The following RIN2 variants were observed in gnomAD, a reference collection of about 807,000 sequenced individuals.
RIN2 encodes RAB5 interacting protein 2.
Under a neutral mutation model 78.0 loss-of-function variants are expected in RIN2, and 36 were observed. The observed-to-expected ratio is 0.46, with a 90% CI of 0.35 to 0.61. The LOEUF (loss-of-function observed/expected upper bound fraction) is 0.61. Among genes scored for constraint, RIN2 ranks in the 20% least tolerant of loss-of-function variants. The probability of loss-of-function intolerance (pLI) is 0.00; values close to 1 mark genes in which losing one functional copy is unlikely to be tolerated. For synonymous variants in RIN2, 466 were observed against 466.8 expected, an observed-to-expected ratio of 1.00 and a Z score of 0.02; for missense variants, 1,087 against 1,159.7, an observed-to-expected ratio of 0.94 and a Z score of 0.91.
intron 2 of RIN2, among the ~76,000 whole-genome samples, chr20:19,888,122 T>C (rs899775038): frequency 1.3e-5 from 2 of 152,098 alleles, no homozygotes; most frequent in Non-Finnish European, 2.9e-5. Context: ...CCCAGCAGGA[T>C]CACAAGTGGA....
At chr20:19,881,218 C>A (rs571077874) in intron 2 of RIN2, among the ~76,000 whole-genome samples, 121 of 152,274 alleles carry the variant, frequency 7.9e-4, no homozygotes, top group Non-Finnish European at 1.4e-3. Context: ...CATGAACTTT[C>A]CAAGTCTGTT....
At chr20:19,793,203 AT>A (rs2034944419) in intron 1 of RIN2, among the ~76,000 whole-genome samples, 1 of 152,214 alleles carries the variant, frequency 6.6e-6, no homozygotes, top group Non-Finnish European at 1.5e-5. Flanking sequence ...AAGATATCGT[AT>A]TTAATTCAAT....
chr20:19,773,250 C>A (rs946177008), intron 1 of RIN2, among the ~76,000 whole-genome samples: 12 of 152,158 alleles, frequency 7.9e-5, no homozygotes, highest in African/African-American at 2.7e-4. Flanking sequence ...ATGACCTCAT[C>A]TAAATTAGTT....
Position 19,899,820 on chromosome 20 carries a change from C to T in RIN2, c.57+10162C>T, listed in dbSNP as rs926208142. 1.3e-5 allele frequency among the ~76,000 whole-genome samples: 2 copies of T among 152,168 alleles called. 1 individual carries two copies. The highest frequency in any genetic ancestry group is 4.1e-4 in the South Asian group (2 of 4,836). On this transcript the variant is annotated intron_variant, in intron 3 of 12. Coordinates refer to ENST00000255006, the MANE Select transcript of RIN2 (RefSeq NM_018993.4). ...CTTGAATGGTACCCCATCACTTCTGCTATATTCTATTCGTTAGAAGCCAGT... is the reference window on the plus strand; with the variant it reads ...CTTGAATGGTACCCCATCACTTCTGTTATATTCTATTCGTTAGAAGCCAGT...
At chr20:19,900,944 T>TA (rs2038952155) in intron 3 of RIN2, among the ~76,000 whole-genome samples, 1 of 52,274 alleles carries the variant, frequency 1.9e-5, no homozygotes, top group Admixed American at 3.1e-4. Flanking sequence ...GAGCTCTGTC[T>TA]CAAAAAAAAA....
At chr20:19,907,602 A>G (rs431462) in intron 3 of RIN2, among the ~76,000 whole-genome samples, 107,689 of 152,186 alleles carry the variant, frequency 0.71, 38,984 homozygotes, top group East Asian at 0.96. Flanking sequence ...ATGCAGGAAC[A>G]CTGAGCTCAG....
At chr20:19,970,794 C>T in intron 7 of RIN2, 44 bp from the exon 8 acceptor site, 1 of 1,407,628 alleles carries the variant, frequency 7.1e-7, no homozygotes, top group East Asian at 2.3e-5. Flanking sequence ...AGATAGAAAG[C>T]AGACATGTAA....
chr20:19,991,829 TG>T (rs776639745), intron 10 of RIN2, among the ~76,000 whole-genome samples: 21 of 152,234 alleles, frequency 1.4e-4, no homozygotes, highest in Non-Finnish European at 2.8e-4. Flanking sequence ...GTAAATATTT[TG>T]TAAGCATTTT....
chr20:19,912,504 G>A (rs1473463621), intron 3 of RIN2, among the ~76,000 whole-genome samples: 3 of 107,822 alleles, frequency 2.8e-5, no homozygotes, highest in African/African-American at 3.6e-5. Flanking sequence ...TTGAGATGAA[G>A]TCTCACTCCC....
chr20:19,904,567 G>A (rs1415947078), intron 3 of RIN2, among the ~76,000 whole-genome samples: 2 of 152,128 alleles, frequency 1.3e-5, no homozygotes, highest in African/African-American at 4.8e-5. Context: ...TCCCGGATAA[G>A]GAAGCCACAT....
rs112843574 is a variant in RIN2 at position 19,962,138 on chromosome 20, C to CA, written c.463+1344dup. On this transcript the variant is annotated intron_variant, in intron 6 of 12. Transcript: ENST00000255006. ...CAACATGGCAAAACTCCATCTCCACCAAAAAAAAAAAAAAAAATTAGCCAG... is the reference window on the plus strand; with the variant it reads ...CAACATGGCAAAACTCCATCTCCACCAAAAAAAAAAAAAAAAAATTAGCCAG... 5.0e-3 allele frequency among the ~76,000 whole-genome samples: 644 copies of CA among 129,660 alleles called. 1 individual carries two copies. Among genetic ancestry groups the CA allele is most frequent in the African/African-American group, 9.8e-3 (337 of 34,480 alleles). The allele number at this position is 129,660 out of a possible 152,430, so 85.1% of individuals were successfully genotyped here.
At chr20:19,953,754 C>T (rs2041420843) in intron 4 of RIN2, among the ~76,000 whole-genome samples, 1 of 152,148 alleles carries the variant, frequency 6.6e-6, no homozygotes, top group African/African-American at 2.4e-5. Context: ...TTATCAGCAG[C>T]CAGGGTTGAG....
At chr20:19,774,337 T>G (rs902454265) in intron 1 of RIN2, among the ~76,000 whole-genome samples, 16 of 152,186 alleles carry the variant, frequency 1.1e-4, no homozygotes, top group African/African-American at 3.6e-4. Flanking sequence ...AACTCTGATT[T>G]ATGTCTCCAA....
At chr20:19,854,042 G>C (rs1237903958) in intron 2 of RIN2, among the ~76,000 whole-genome samples, 6 of 152,300 alleles carry the variant, frequency 3.9e-5, no homozygotes, top group African/African-American at 1.2e-4. Context: ...AATCCATCTT[G>C]AATTAATTTT....
intron 4 of RIN2, among the ~76,000 whole-genome samples, chr20:19,939,955 G>T (rs1286501533): frequency 6.6e-6 from 1 of 151,734 alleles, no homozygotes; most frequent in Admixed American, 6.6e-5. Context: ...ATAGGTTCAA[G>T]CAATTCTTAT....
At chr20:19,916,560 ACTCCAG>A (rs1397750677) in intron 3 of RIN2, among the ~76,000 whole-genome samples, 10 of 152,244 alleles carry the variant, frequency 6.6e-5, no homozygotes, top group African/African-American at 1.9e-4. Context: ...TCAAGGCTGC[ACTCCAG>A]CTCCAGCCTG....
intron 3 of RIN2, among the ~76,000 whole-genome samples, chr20:19,932,527 C>T (rs922784936): frequency 4.6e-5 from 7 of 152,176 alleles, no homozygotes; most frequent in Non-Finnish European, 1.0e-4. Context: ...TTTCCTCTCT[C>T]GAGGCCCCAG....
chr20:19,885,411 A>T (rs544750028), intron 2 of RIN2, among the ~76,000 whole-genome samples: 2 of 152,308 alleles, frequency 1.3e-5, no homozygotes, highest in South Asian at 4.1e-4. Context: ...CATGCCTGTA[A>T]TCCCAGCACT....
intron 2 of RIN2, among the ~76,000 whole-genome samples, chr20:19,836,752 T>G (rs1386732257): frequency 6.6e-6 from 1 of 152,224 alleles, no homozygotes; most frequent in Non-Finnish European, 1.5e-5. Flanking sequence ...TGAGTTTCTG[T>G]TCCATTACTA....
Sources: gnomAD v4.1 joint callset for allele counts (sites outside exome capture counted in the v4.1 genomes callset) on GRCh38, gnomAD v4.1.1 for gene constraint, MANE v1.5 for transcripts, NCBI Gene and HGNC (gene_info 2026-07-23, HGNC 2026-07-21) for gene names.